The following TBC1D1 variants were observed in gnomAD, a reference collection of about 807,000 sequenced individuals.
TBC1D1 encodes TBC1 domain family member 1, also known as TBC1 (tre-2/USP6, BUB2, cdc16) domain family, member 1.
TBC1D1 carries 89 observed loss-of-function variants against 125.6 expected under a neutral mutation model. That is an observed-to-expected ratio of 0.71 (90% CI 0.60 to 0.85). TBC1D1 has a LOEUF of 0.85. Among genes scored for constraint, TBC1D1 ranks in the 40% least tolerant of loss-of-function variants. The probability of loss-of-function intolerance (pLI) is 0.00; values close to 1 mark genes in which losing one functional copy is unlikely to be tolerated. For synonymous variants in TBC1D1, 565 were observed against 564.1 expected (o/e 1.00, Z -0.02); for missense variants, 1,377 against 1,469.2 (o/e 0.94, Z 1.03).
At chr4:38,015,565 T>C (rs1238458929) in intron 3 of TBC1D1, among the ~76,000 whole-genome samples, 1 of 152,046 alleles carries the variant, frequency 6.6e-6, no homozygotes, top group African/African-American at 2.4e-5. Context: ...CCTGGTTCCA[T>C]GCTGATCTGG....
At chr4:38,077,843 T>C (rs2152520496) in intron 12 of TBC1D1, among the ~76,000 whole-genome samples, 1 of 152,104 alleles carries the variant, frequency 6.6e-6, no homozygotes, top group Non-Finnish European at 1.5e-5. Flanking sequence ...CGGAAGCACA[T>C]GTTATGCGTC....
At chr4:37,949,053 T>C (rs191352765) in intron 2 of TBC1D1, among the ~76,000 whole-genome samples, 1 of 152,346 alleles carries the variant, frequency 6.6e-6, no homozygotes, top group East Asian at 1.9e-4. Context: ...AGTTTTTGGC[T>C]ATTTTGAACA....
intron 12 of TBC1D1, among the ~76,000 whole-genome samples, chr4:38,058,837 A>AT (rs1470107863): frequency 6.6e-6 from 1 of 152,140 alleles, no homozygotes; most frequent in Non-Finnish European, 1.5e-5. Flanking sequence ...GGAGATTCTA[A>AT]TTTTTATAGG....
In TBC1D1 at chr4:38,118,032, G is replaced by A; in HGVS notation, c.2803-1G>A. 6.2e-7 allele frequency: 1 copy of A among 1,614,002 alleles called. No individual in the cohort carries two copies. The highest frequency in any genetic ancestry group is 8.5e-7 in the Non-Finnish European group (1 of 1,179,972). Reference sequence around the variant, plus strand: ...CAGCCCTTGTGGCTGTCTTCCTGCAGATCCAGATGTACCAGCTCTCGAGGT... The same window carrying A: ...CAGCCCTTGTGGCTGTCTTCCTGCAAATCCAGATGTACCAGCTCTCGAGGT... On this transcript the variant is annotated splice_acceptor_variant, in intron 16 of 19. Transcript: ENST00000261439. LOFTEE classifies it high-confidence loss of function.
intron 17 of TBC1D1, chr4:38,119,852 T>C (rs1185192809): frequency 1.6e-6 from 1 of 628,256 alleles, no homozygotes; most frequent in East Asian, 1.4e-4. Flanking sequence ...GCAACCAGGC[T>C]GACCACAGAC....
At chr4:37,943,624 G>A (rs111937277) in intron 2 of TBC1D1, among the ~76,000 whole-genome samples, 59 of 152,024 alleles carry the variant, frequency 3.9e-4, no homozygotes, top group Middle Eastern at 3.4e-3. Flanking sequence ...CCAGTTAATC[G>A]AATCAGCTAC....
chr4:38,075,057 C>T (rs1755353581), intron 12 of TBC1D1, among the ~76,000 whole-genome samples: 1 of 152,132 alleles, frequency 6.6e-6, no homozygotes. Context: ...CCGCGCCTGG[C>T]CACAGTCAGT....
At chr4:38,037,604 G>T (rs562351322) in intron 8 of TBC1D1, among the ~76,000 whole-genome samples, 2 of 152,148 alleles carry the variant, frequency 1.3e-5, no homozygotes, top group African/African-American at 2.4e-5. Flanking sequence ...TTACCTTCTT[G>T]TTGCACCTAA....
At chr4:38,135,902 G>GTA (rs1210881964) in intron 19 of TBC1D1, among the ~76,000 whole-genome samples, 1 of 147,682 alleles carries the variant, frequency 6.8e-6, no homozygotes, top group Non-Finnish European at 1.5e-5. Context: ...ATGTGTGTGT[G>GTA]TATATATACG....
chr4:37,994,334 G>C (rs1737293678), intron 2 of TBC1D1, among the ~76,000 whole-genome samples: 1 of 152,128 alleles, frequency 6.6e-6, no homozygotes, highest in Non-Finnish European at 1.5e-5. Context: ...TCTGTCACCT[G>C]GATGAAGTGC....
At chr4:38,007,080 A>G in intron 2 of TBC1D1, 2 of 328,574 alleles carry the variant, frequency 6.1e-6, no homozygotes, top group South Asian at 3.3e-5. Context: ...AGACATGCGC[A>G]GGGCATATTC....
At chr4:38,078,547 T>A (rs1213315709) in intron 12 of TBC1D1, among the ~76,000 whole-genome samples, 1 of 152,160 alleles carries the variant, frequency 6.6e-6, no homozygotes, top group Non-Finnish European at 1.5e-5. Context: ...TAGATGAGAT[T>A]GTGTGAGTGA....
intron 16 of TBC1D1, among the ~76,000 whole-genome samples, chr4:38,116,525 CCTGT>C (rs1050268132): frequency 5.9e-5 from 9 of 152,104 alleles, no homozygotes; most frequent in African/African-American, 9.7e-5. Context: ...TAATCATCTC[CCTGT>C]CTATTTTCTG....
intron 2 of TBC1D1, among the ~76,000 whole-genome samples, chr4:37,933,594 A>G (rs1459477149): frequency 2.0e-5 from 3 of 152,028 alleles, no homozygotes; most frequent in Non-Finnish European, 4.4e-5. Flanking sequence ...GTAAACTGGG[A>G]AAAAAAATAG....
intron 2 of TBC1D1, among the ~76,000 whole-genome samples, chr4:37,934,392 C>A (rs1007770117): frequency 1.3e-5 from 2 of 152,102 alleles, no homozygotes; most frequent in African/African-American, 4.8e-5. Flanking sequence ...AGGCCAAGAA[C>A]AAGGTAGCCA....
chr4:37,992,160 T>C (rs1736711423), intron 2 of TBC1D1, among the ~76,000 whole-genome samples: 1 of 152,146 alleles, frequency 6.6e-6, no homozygotes, highest in Non-Finnish European at 1.5e-5. Context: ...ATCAGACCTG[T>C]GTTTCCAGAA....
intron 2 of TBC1D1, among the ~76,000 whole-genome samples, chr4:38,004,757 T>C (rs1739759367): frequency 6.6e-6 from 1 of 152,268 alleles, no homozygotes; most frequent in South Asian, 2.1e-4. Context: ...CCAGGGATTA[T>C]GGGCAACTTT....
In TBC1D1 at chr4:37,958,202, C is replaced by CT. The variant is rs1416017508; in HGVS notation, c.417+55692dup. Among the ~76,000 whole-genome samples the CT allele has an allele frequency of 9.2e-3, 1,397 of 152,224 alleles. 18 individuals are homozygous for CT. Among genetic ancestry groups the CT allele is most frequent in the African/African-American group, 0.031 (1,301 of 41,538 alleles). On this transcript the variant is annotated intron_variant, in intron 2 of 19. Coordinates refer to ENST00000261439, the MANE Select transcript of TBC1D1 (RefSeq NM_015173.4). ...TGAAGTTGTCTAGGAAAAAAGTATGCTTCATATTAAGAAAGAGTCTGTAAG... is the reference window on the plus strand; with the variant it reads ...TGAAGTTGTCTAGGAAAAAAGTATGCTTTCATATTAAGAAAGAGTCTGTAAG...
intron 2 of TBC1D1, among the ~76,000 whole-genome samples, chr4:37,919,494 A>G (rs1413609146): frequency 1.3e-5 from 2 of 151,988 alleles, no homozygotes; most frequent in African/African-American, 2.4e-5. Flanking sequence ...CTAAGGTTAT[A>G]TATTTTAATT....
Sources: allele counts gnomAD v4.1 joint callset (sites outside exome capture counted in the v4.1 genomes callset), GRCh38; gene constraint gnomAD v4.1.1; transcripts MANE v1.5; gene names NCBI Gene and HGNC (gene_info 2026-07-23, HGNC 2026-07-21).